CSMD1: variants seen among roughly 807,000 people sequenced by gnomAD.
CSMD1 encodes the protein CUB and Sushi multiple domains 1.
In CSMD1, 213 loss-of-function variants were observed where a neutral mutation model predicts 417.5. That is an observed-to-expected ratio of 0.51 (90% CI 0.46 to 0.57). The LOEUF (loss-of-function observed/expected upper bound fraction) is 0.57, where lower values mean the gene tolerates loss of function less well. CSMD1 is among the 20% of genes least tolerant of loss of function. CSMD1 has a pLI of 0.00. For synonymous variants in CSMD1, 2,862 were observed against 1,736.8 expected (o/e 1.65, Z -16.11); for missense variants, 6,923 against 4,529.7 (o/e 1.53, Z -15.17).
intron 6 of CSMD1, among the ~76,000 whole-genome samples, chr8:3,728,956 G>C (rs892355472): frequency 3.9e-5 from 6 of 152,164 alleles, no homozygotes; most frequent in Non-Finnish European, 5.9e-5. Context: ...AATGAGTGCC[G>C]TTCGAATATC....
Position 3,406,206 on chromosome 8 carries a change from T to G in CSMD1, c.2087A>C (p.Glu696Ala). The part of the protein sequence containing the change: ...NITYTTFGQN[E>A]CHDPGIPING... Reference sequence around the variant, plus strand: ...TATAGGAATGCCAGGATCATGGCACTCATTCTGACCAAATGCTGAAAGAAA... The same window carrying G: ...TATAGGAATGCCAGGATCATGGCACGCATTCTGACCAAATGCTGAAAGAAA... The change falls in exon 15 of 70, where the codon GAG (glutamate) becomes GCG (alanine). Residue 696 changes from glutamate to alanine, a missense_variant. Physicochemically the swap from Glu to Ala is moderately radical, Grantham distance 107. Coordinates refer to ENST00000635120, the MANE Select transcript of CSMD1 (RefSeq NM_033225.6). The G allele has an allele frequency of 1.2e-6, 2 of 1,607,200 alleles. No individual in the cohort carries two copies. Among genetic ancestry groups the G allele is most frequent in the Non-Finnish European group, 1.7e-6 (2 of 1,176,576 alleles).
chr8:3,409,499 G>A lies in CSMD1; in HGVS notation c.1668C>T (p.Ala556=), dbSNP rs531704766. 1 of 1,611,180 alleles carries A rather than the reference G, an allele frequency of 6.2e-7. No individual in the cohort carries two copies. Among genetic ancestry groups the A allele is most frequent in the South Asian group, 1.1e-5 (1 of 90,234 alleles). The change falls in exon 13 of 70, where the codon GCC becomes GCT. Residue 556 remains alanine (A), a synonymous_variant. Coordinates refer to ENST00000635120, the MANE Select transcript of CSMD1 (RefSeq NM_033225.6). ...TAACTCTCTCCCCCACCAGCTCAAA[G>A]GCCGCCGGGCATTCAAAGGTGAGTG... The part of the protein sequence containing the change: ...GDTLTFECPA[A]FELVGERVIT...
At chr8:3,341,554 A>G (rs1807653350) in intron 23 of CSMD1, among the ~76,000 whole-genome samples, 1 of 152,192 alleles carries the variant, frequency 6.6e-6, no homozygotes, top group Non-Finnish European at 1.5e-5. Context: ...AGCCACAGGA[A>G]GGGAAAAAGT....
chr8:4,893,771 G>C (rs1217418010), intron 1 of CSMD1, among the ~76,000 whole-genome samples: 1 of 152,044 alleles, frequency 6.6e-6, no homozygotes, highest in African/African-American at 2.4e-5. Context: ...GCTGCTTTCA[G>C]AGCCAATGTC....
intron 10 of CSMD1, among the ~76,000 whole-genome samples, chr8:3,544,419 G>C (rs959621204): frequency 2.0e-5 from 3 of 151,962 alleles, no homozygotes; most frequent in Non-Finnish European, 4.4e-5. Context: ...ATTTTACCTG[G>C]GATGGAGGCG....
At chr8:4,460,162 A>C (rs1345159590) in intron 2 of CSMD1, among the ~76,000 whole-genome samples, 7 of 152,326 alleles carry the variant, frequency 4.6e-5, no homozygotes, top group Middle Eastern at 3.4e-3. Context: ...ATATAAATAA[A>C]TTATCTGAGC....
intron 10 of CSMD1, among the ~76,000 whole-genome samples, chr8:3,556,392 A>ATATATGTATATATATATATATATAT (rs1554468279): frequency 8.3e-6 from 1 of 120,448 alleles, no homozygotes. Context: ...TATAATAATT[A>ATATATGTATATATATATATATATAT]ATATATATAT....
chr8:3,724,370 T>C (rs1437178729), intron 6 of CSMD1, among the ~76,000 whole-genome samples: 3 of 152,168 alleles, frequency 2.0e-5, no homozygotes, highest in Non-Finnish European at 4.4e-5. Context: ...ATATACTTAT[T>C]TTCATAAATA....
chr8:4,198,521 G>C (rs936294943), intron 3 of CSMD1, among the ~76,000 whole-genome samples: 1 of 152,106 alleles, frequency 6.6e-6, no homozygotes, highest in African/African-American at 2.4e-5. Context: ...TGGATTTGGG[G>C]GATGAGAAAG....
intron 2 of CSMD1, among the ~76,000 whole-genome samples, chr8:4,532,686 C>T (rs1401627067): frequency 7.2e-6 from 1 of 139,664 alleles, no homozygotes; most frequent in African/African-American, 2.7e-5. Flanking sequence ...CCTGCACCCC[C>T]ATTCAATCAC....
chr8:4,294,958 G>C (rs185954042), intron 3 of CSMD1, among the ~76,000 whole-genome samples: 5 of 150,818 alleles, frequency 3.3e-5, no homozygotes, highest in Admixed American at 2.0e-4. Flanking sequence ...AAAGTGCCAA[G>C]GATATTTTTC....
intron 1 of CSMD1, among the ~76,000 whole-genome samples, chr8:4,685,534 C>A (rs1411576273): frequency 1.3e-5 from 2 of 152,178 alleles, no homozygotes; most frequent in Admixed American, 1.3e-4. Context: ...CGAGATCACA[C>A]CACTGCACTG....
chr8:4,119,402 T>G (rs921007014), intron 3 of CSMD1, among the ~76,000 whole-genome samples: 6 of 152,182 alleles, frequency 3.9e-5, no homozygotes, highest in African/African-American at 1.2e-4. Context: ...TTTACTGTTT[T>G]CAGTTAGAAA....
intron 5 of CSMD1, among the ~76,000 whole-genome samples, chr8:3,782,173 A>G (rs1289847559): frequency 6.6e-6 from 1 of 152,184 alleles, no homozygotes; most frequent in Non-Finnish European, 1.5e-5. Context: ...GAAGTCAAAG[A>G]AGTTCATGTC....
At chr8:4,502,524 C>T (rs1802310976) in intron 2 of CSMD1, among the ~76,000 whole-genome samples, 1 of 152,178 alleles carries the variant, frequency 6.6e-6, no homozygotes, top group Non-Finnish European at 1.5e-5. Context: ...CATGCAAACA[C>T]ACATTAAACC....
rs544624040 is a variant in CSMD1 at position 3,698,429 on chromosome 8, T to G, written c.1009+9985A>C. On this transcript the variant is annotated intron_variant, in intron 7 of 69. Transcript: ENST00000635120. Reference sequence around the variant, plus strand: ...TTCTTGTTTTATTAAGCCTTTATACTACTGTTAGAGGTTAATGGCGCTATT... The same window carrying G: ...TTCTTGTTTTATTAAGCCTTTATACGACTGTTAGAGGTTAATGGCGCTATT... 3.3e-5 allele frequency among the ~76,000 whole-genome samples: 5 copies of G among 152,344 alleles called. No individual in the cohort carries two copies. In the East Asian group the frequency reaches 7.7e-4, roughly 24 times the overall value.
chr8:3,461,478 C>G (rs367859885), intron 12 of CSMD1, among the ~76,000 whole-genome samples: 2 of 152,310 alleles, frequency 1.3e-5, no homozygotes, highest in Non-Finnish European at 1.5e-5. Context: ...GCAGGAGTAG[C>G]TGTCTCACCT....
chr8:4,129,468 G>T (rs911041845), intron 3 of CSMD1, among the ~76,000 whole-genome samples: 1 of 152,106 alleles, frequency 6.6e-6, no homozygotes, highest in African/African-American at 2.4e-5. Flanking sequence ...GATAAAAATT[G>T]TGAAGTTTTG....
At chr8:3,656,134 G>T (rs6992874) in intron 7 of CSMD1, among the ~76,000 whole-genome samples, 4,588 of 152,242 alleles carry the variant, frequency 0.03, 238 homozygotes, top group African/African-American at 0.1. Context: ...AACTCATTGG[G>T]GCGAAAGCCT....
Sources: allele counts gnomAD v4.1 joint callset (sites outside exome capture counted in the v4.1 genomes callset), GRCh38; gene constraint gnomAD v4.1.1; transcripts MANE v1.5; gene names NCBI Gene and HGNC (gene_info 2026-07-23, HGNC 2026-07-21).